The following PET100 variants were observed in gnomAD, a reference collection of about 807,000 sequenced individuals.
The protein encoded by PET100 is PET100 cytochrome c oxidase chaperone, also known as protein PET100 homolog, mitochondrial.
In PET100, 13 loss-of-function variants were observed where a neutral mutation model predicts 13.6. The ratio of observed to expected loss-of-function variants is 0.96; its 90% CI spans 0.62 to 1.52. PET100 has a LOEUF of 1.52. Ranked by LOEUF, PET100 falls within the 40% of genes most tolerant of loss-of-function variation. The pLI is 0.00. For missense variants in PET100, 94 were observed against 95.3 expected, an observed-to-expected ratio of 0.99 and a Z score of 0.06; for synonymous variants, 28 against 30.8, an observed-to-expected ratio of 0.91 and a Z score of 0.30.
In PET100 at chr19:7,631,779, G is replaced by A. The variant is rs769723500; in HGVS notation, c.*223G>A. 10 of 1,417,418 alleles carry A rather than the reference G, an allele frequency of 7.1e-6. No homozygotes were observed. Among genetic ancestry groups the A allele is most frequent in the Middle Eastern group, 1.9e-4 (1 of 5,152 alleles). The allele number at this position is 1,417,418 out of a possible 1,614,324, so 87.8% of individuals were successfully genotyped here. A position where few individuals can be genotyped will look rare whatever the true frequency, so the allele number is the denominator to read the frequency against. ...GAGGGGTGAGCAGGGGTTGGGGACT[G>A]AGGGTCCCAGCTCGTTTCTGTGCTC... On this transcript the variant is annotated 3_prime_UTR_variant, in exon 4 of 4. Coordinates refer to ENST00000594797, the MANE Select transcript of PET100 (RefSeq NM_001171155.2).
intron 1 of PET100, 156 bp downstream of exon 1, chr19:7,630,016 A>C: frequency 1.3e-6 from 1 of 784,018 alleles, no homozygotes; most frequent in African/African-American, 2.4e-5. Flanking sequence ...AATCCAGGAG[A>C]GGGGACGCTG....
Position 7,631,926 on chromosome 19 carries a change from G to T in PET100, c.*370G>T. On this transcript the variant is annotated 3_prime_UTR_variant, in exon 4 of 4. Coordinates refer to ENST00000594797, the MANE Select transcript of PET100 (RefSeq NM_001171155.2). ...GTGTCCCACCTCATTGTGAGCACTG[G>T]TCTATGTTTACCCTCAATATCTGCC... is the stretch of plus-strand genomic sequence containing the variant. 9.3e-7 allele frequency: 1 copy of T among 1,075,442 alleles called. No individual in the cohort carries two copies. Among genetic ancestry groups the T allele is most frequent in the Non-Finnish European group, 1.2e-6 (1 of 805,900 alleles). 66.6% of individuals were successfully genotyped at this position (1,075,442 alleles called of 1,614,324 possible).
chr19:7,631,144 G>T, intron 3 of PET100: 1 of 916,930 alleles, frequency 1.1e-6, no homozygotes, highest in South Asian at 1.8e-5. Context: ...GGAGGTGGAG[G>T]TTGCAGTGAG....
At position 7,631,572 on chromosome 19, in the gene PET100, G is replaced by A. The variant is rs1271012149; in HGVS notation, c.*16G>A. The A allele has an allele frequency of 3.9e-6, 6 of 1,529,452 alleles. No individual in the cohort carries two copies. The Admixed American group carries it at 1.2e-4, about 31-fold the overall frequency. The allele number at this position is 1,529,452 out of a possible 1,614,324, so 94.7% of individuals were successfully genotyped here. A position where few individuals can be genotyped will look rare whatever the true frequency, so the allele number is the denominator to read the frequency against. ...GAACTCCTGAGGCCTCCAAGTGGGA[G>A]TCCTAGCCCCTCCCCTGATGAAATA... is the stretch of plus-strand genomic sequence containing the variant. On this transcript the variant is annotated 3_prime_UTR_variant, in exon 4 of 4. Transcript: ENST00000594797.
chr19:7,630,695 G>T lies in PET100; in HGVS notation c.114+36G>T, dbSNP rs973872828. The stretch of plus-strand genomic sequence containing the variant: ...GAGGAGTGTTTGAGGGTTCATTCCA[G>T]GGGTGGGAGAGGGTGTGGGGCAGCA... On this transcript the variant is annotated intron_variant, in intron 2 of 3. Transcript: ENST00000594797. 6 of 1,533,410 alleles carry T rather than the reference G, an allele frequency of 3.9e-6. No individual in the cohort carries two copies. In the East Asian group the frequency reaches 9.8e-5, roughly 25 times the overall value. The allele number at this position is 1,533,410 out of a possible 1,614,324, so 95.0% of individuals were successfully genotyped here. A position where few individuals can be genotyped will look rare whatever the true frequency, so the allele number is the denominator to read the frequency against.
At chr19:7,630,897 T>C (rs576997839) in intron 3 of PET100, 51 bp downstream of exon 3, 1 of 1,535,956 alleles carries the variant, frequency 6.5e-7, no homozygotes, top group South Asian at 1.2e-5. Context: ...TGGATTCTTG[T>C]ATCCGGGATG....
In PET100 at chr19:7,629,875, G is replaced by A. The variant is rs989708248; in HGVS notation, c.27+15G>A. ...AGATATTTCGGGTCAGTGGACACAG[G>A]AGTGGGTTGGGAGGCTGGGCAGGGG... On this transcript the variant is annotated intron_variant, in intron 1 of 3. Coordinates refer to ENST00000594797, the MANE Select transcript of PET100 (RefSeq NM_001171155.2). The A allele has an allele frequency of 2.0e-6, 3 of 1,528,626 alleles. No individual in the cohort carries two copies. The African/African-American group carries it at 4.1e-5, about 21-fold the overall frequency. The allele number at this position is 1,528,626 out of a possible 1,614,324, so 94.7% of individuals were successfully genotyped here. A position where few individuals can be genotyped will look rare whatever the true frequency, so the allele number is the denominator to read the frequency against.
rs1411171919 is a variant in PET100 at position 7,631,457 on chromosome 19, G to A, written c.139-16G>A. On this transcript the variant is annotated splice_polypyrimidine_tract_variant and intron_variant, in intron 3 of 3. Coordinates refer to ENST00000594797, the MANE Select transcript of PET100 (RefSeq NM_001171155.2). ...CCCCTCCCCCCTTCCTGTCCCACCCGCTTCTCCACCCCTAGCTTCAAGAGA... is the reference window on the plus strand; with the variant it reads ...CCCCTCCCCCCTTCCTGTCCCACCCACTTCTCCACCCCTAGCTTCAAGAGA... The A allele has an allele frequency of 1.1e-5, 16 of 1,518,338 alleles. No homozygotes were observed. The highest frequency in any genetic ancestry group is 1.2e-5 in the Non-Finnish European group (14 of 1,138,278). The allele number at this position is 1,518,338 out of a possible 1,614,324, so 94.1% of individuals were successfully genotyped here. A position where few individuals can be genotyped will look rare whatever the true frequency, so the allele number is the denominator to read the frequency against.
chr19:7,630,820 C>T lies in PET100; in HGVS notation c.115-3C>T. ...GTGTCCCATTTGTGACTTTTCCTTA[C>T]AGAGGGAGCTGTGGCCACCTGAGAA... is the stretch of plus-strand genomic sequence containing the variant. On this transcript the variant is annotated splice_polypyrimidine_tract_variant and splice_region_variant and intron_variant, in intron 2 of 3. Transcript: ENST00000594797. 1 of 1,537,236 alleles carries T rather than the reference C, an allele frequency of 6.5e-7. No homozygotes were observed. The highest frequency in any genetic ancestry group is 8.7e-7 in the Non-Finnish European group (1 of 1,146,900).
intron 1 of PET100, 71 bp from the exon 2 acceptor site, chr19:7,630,502 C>T (rs2146192874): frequency 8.0e-7 from 1 of 1,252,870 alleles, no homozygotes; most frequent in Non-Finnish European, 1.1e-6. Flanking sequence ...TAGGATGGGT[C>T]CCCCAGGCTC....
chr19:7,630,085 C>G, intron 1 of PET100: 1 of 487,712 alleles, frequency 2.1e-6, no homozygotes, highest in Non-Finnish European at 3.5e-6. Context: ...AGGGCTGGTC[C>G]GAGGAAGGAC....
At chr19:7,630,294 G>C (rs1378658703) in intron 1 of PET100, 5 of 524,924 alleles carry the variant, frequency 9.5e-6, no homozygotes, top group African/African-American at 1.9e-5. Context: ...AGGTCTCGAG[G>C]AGATGCTTTT....
At chr19:7,629,936 G>A (rs1482367488) in intron 1 of PET100, 76 bp downstream of exon 1, 21 of 1,429,728 alleles carry the variant, frequency 1.5e-5, no homozygotes, top group Non-Finnish European at 1.9e-5. Context: ...TGGAAATGGG[G>A]GGACTTCAAA....
chr19:7,631,190 T>C lies in PET100; in HGVS notation c.139-283T>C, dbSNP rs1007413893. On this transcript the variant is annotated intron_variant, in intron 3 of 3. Coordinates refer to ENST00000594797, the MANE Select transcript of PET100 (RefSeq NM_001171155.2). ...CGCCACTGCACTCCAGCCTGGGCAA[T>C]AGAGTGAGACTTTGTCTCAAAAAGA... The C allele has an allele frequency of 9.2e-6, 12 of 1,299,300 alleles. 1 individual carries two copies. Among genetic ancestry groups the C allele is most frequent in the South Asian group, 3.3e-5 (2 of 60,978 alleles). 80.5% of individuals were successfully genotyped at this position (1,299,300 alleles called of 1,614,324 possible).
In PET100 at chr19:7,630,580, T is replaced by C. The variant is rs1297802281; in HGVS notation, c.35T>C (p.Ile12Thr). Residue 12 changes from isoleucine (I) to threonine (T), a missense_variant, in exon 2 of 4, where the codon ATC becomes ACC. Physicochemically the swap from Ile to Thr is moderately conservative, Grantham distance 89. Coordinates refer to ENST00000594797, the MANE Select transcript of PET100 (RefSeq NM_001171155.2). ...GVKLEIFRMI[I>T]YLTFPVAMFW... ...CACCCTCTGCCATTCCAGATGATAA[T>C]CTACCTCACTTTCCCTGTGGCTATG... 6.5e-6 allele frequency: 10 copies of C among 1,536,914 alleles called. No individual in the cohort carries two copies.
In PET100 at chr19:7,631,614, CTTGTTATTCATTT is replaced by C; in HGVS notation, c.*59_*71del. 1 of 1,469,924 alleles carries C rather than the reference CTTGTTATTCATTT, an allele frequency of 6.8e-7. No individual in the cohort carries two copies. Among genetic ancestry groups the C allele is most frequent in the South Asian group, 1.3e-5 (1 of 76,470 alleles). 91.1% of individuals were successfully genotyped at this position (1,469,924 alleles called of 1,614,324 possible). On this transcript the variant is annotated 3_prime_UTR_variant, in exon 4 of 4. Transcript: ENST00000594797. ...GATGAAATATACATATACTCAGTTC[CTTGTTATTCATTT>C]AAGTGTTTTATTCTTTTATCAGTTT...
At chr19:7,630,131 G>A (rs1407641096) in intron 1 of PET100, 2 of 486,816 alleles carry the variant, frequency 4.1e-6, no homozygotes, top group African/African-American at 4.0e-5. Context: ...GGGCTCTAAA[G>A]AAGGAAGACT....
intron 3 of PET100, 147 bp from the exon 4 acceptor site, chr19:7,631,326 T>C (rs547795844): frequency 7.1e-7 from 1 of 1,400,398 alleles, no homozygotes; most frequent in South Asian, 1.6e-5. Flanking sequence ...CCCTTTGTAA[T>C]TGGCAGGGGG....
Position 7,631,896 on chromosome 19 carries a change from C to A in PET100, c.*340C>A. ...AACAATGGAGAGAGGGTGCAGGTAG[C>A]CACCGTGTCCCACCTCATTGTGAGC... On this transcript the variant is annotated 3_prime_UTR_variant, in exon 4 of 4. Coordinates refer to ENST00000594797, the MANE Select transcript of PET100 (RefSeq NM_001171155.2). 8.3e-7 allele frequency: 1 copy of A among 1,207,716 alleles called. No homozygotes were observed. Among genetic ancestry groups the A allele is most frequent in the Non-Finnish European group, 1.1e-6 (1 of 918,556 alleles). The allele number at this position is 1,207,716 out of a possible 1,614,324, so 74.8% of individuals were successfully genotyped here. A position where few individuals can be genotyped will look rare whatever the true frequency, so the allele number is the denominator to read the frequency against.
Sources: allele counts gnomAD v4.1 joint callset, GRCh38; gene constraint gnomAD v4.1.1; transcripts MANE v1.5; gene names NCBI Gene and HGNC (gene_info 2026-07-23, HGNC 2026-07-21).